The following PPP1R12B variants were observed in gnomAD, a reference collection of about 807,000 sequenced individuals.
PPP1R12B encodes myosin phosphatase target subunit 2.
Under a neutral mutation model 126.1 loss-of-function variants are expected in PPP1R12B, and 76 were observed. That is an observed-to-expected ratio of 0.60 (90% CI 0.50 to 0.73). PPP1R12B has a LOEUF of 0.73. Ranked by LOEUF, PPP1R12B falls within the 30% of genes least tolerant of loss-of-function variation. The pLI is 0.00. For missense variants in PPP1R12B, 1,052 were observed against 1,205.1 expected (o/e 0.87, Z 1.88); for synonymous variants, 356 against 434.7 (o/e 0.82, Z 2.25).
intron 12 of PPP1R12B, 60 bp downstream of exon 12, chr1:202,442,632 ATGATTGTATGCCT>A: frequency 4.0e-6 from 6 of 1,492,198 alleles, no homozygotes; most frequent in Non-Finnish European, 5.4e-6. Context: ...GAAATGGGTA[ATGATTGTATGCCT>A]TTTTATGTCC....
At chr1:202,378,727 C>T (rs1284368870) in intron 1 of PPP1R12B, among the ~76,000 whole-genome samples, 1 of 152,186 alleles carries the variant, frequency 6.6e-6, no homozygotes, top group Non-Finnish European at 1.5e-5. Context: ...ATCCGCCCAC[C>T]TCGGCTTCCC....
intron 8 of PPP1R12B, among the ~76,000 whole-genome samples, chr1:202,433,373 G>C (rs1043837091): frequency 1.3e-5 from 2 of 151,940 alleles, no homozygotes; most frequent in Non-Finnish European, 2.9e-5. Context: ...TCTGTAGCCA[G>C]GTCTTCACAT....
chr1:202,505,729 T>C (rs755391636), intron 18 of PPP1R12B, among the ~76,000 whole-genome samples: 1 of 152,166 alleles, frequency 6.6e-6, no homozygotes, highest in Non-Finnish European at 1.5e-5. Flanking sequence ...AGTAAAGTAA[T>C]ATTTTTTTTT....
intron 9 of PPP1R12B, among the ~76,000 whole-genome samples, chr1:202,437,619 T>G (rs1027211615): frequency 1.3e-5 from 2 of 152,152 alleles, no homozygotes; most frequent in Admixed American, 1.3e-4. Context: ...TATTTTTGGC[T>G]TAGGAAGAAA....
chr1:202,427,947 G>A (rs892449337), intron 5 of PPP1R12B, among the ~76,000 whole-genome samples: 7 of 151,366 alleles, frequency 4.6e-5, no homozygotes, highest in African/African-American at 1.7e-4. Context: ...ACCATGCCCA[G>A]CTGATTTTAT....
chr1:202,558,262 T>C (rs972971731), intron 18 of PPP1R12B, among the ~76,000 whole-genome samples: 2 of 152,002 alleles, frequency 1.3e-5, no homozygotes, highest in African/African-American at 2.4e-5. Context: ...GTTGTATCTA[T>C]AAAACTCCTT....
At chr1:202,561,307 A>G (rs1374638604) in intron 19 of PPP1R12B, among the ~76,000 whole-genome samples, 1 of 152,146 alleles carries the variant, frequency 6.6e-6, no homozygotes, top group East Asian at 1.9e-4. Context: ...AATAGCTAAA[A>G]AATTTGAAAA....
rs760287412 is a variant in PPP1R12B at position 202,437,901 on chromosome 1, T to G, written c.1335T>G (p.Thr445=). 2.3e-5 allele frequency: 37 copies of G among 1,613,902 alleles called. No homozygotes were observed. The highest frequency in any genetic ancestry group is 3.1e-5 in the Non-Finnish European group (36 of 1,179,918). Residue 445 remains threonine (T), a synonymous_variant, in exon 10 of 24, where the codon ACT becomes ACG. Coordinates refer to ENST00000608999, the MANE Select transcript of PPP1R12B (RefSeq NM_002481.4). ...PSSWRLGLRK[T]GSHNMLSEVA... is the part of the protein sequence containing the mutation. ...CATGGAGATTGGGACTGAGAAAAAC[T>G]GGCAGCCACAACATGCTGAGTGAGG...
At chr1:202,353,045 T>G (rs1376796749) in intron 1 of PPP1R12B, among the ~76,000 whole-genome samples, 2 of 152,170 alleles carry the variant, frequency 1.3e-5, no homozygotes, top group Non-Finnish European at 2.9e-5. Flanking sequence ...TTAGGGAGGC[T>G]AAAATCACGT....
At chr1:202,350,800 T>C (rs1050225634) in intron 1 of PPP1R12B, among the ~76,000 whole-genome samples, 1 of 151,990 alleles carries the variant, frequency 6.6e-6, no homozygotes, top group African/African-American at 2.4e-5. Context: ...TTTGTATTTT[T>C]AGTAGAGATG....
At chr1:202,467,466 C>T (rs1307136242) in intron 13 of PPP1R12B, among the ~76,000 whole-genome samples, 1 of 151,514 alleles carries the variant, frequency 6.6e-6, no homozygotes, top group African/African-American at 2.4e-5. Flanking sequence ...TGAGTGAGAA[C>T]ATGCGGTGTT....
At chr1:202,362,131 T>A (rs935198208) in intron 1 of PPP1R12B, among the ~76,000 whole-genome samples, 1 of 152,142 alleles carries the variant, frequency 6.6e-6, no homozygotes, top group Admixed American at 6.6e-5. Flanking sequence ...TAGTGATTTT[T>A]ATTTTTTTTA....
At chr1:202,370,757 C>T (rs1012913315) in intron 1 of PPP1R12B, among the ~76,000 whole-genome samples, 1 of 152,052 alleles carries the variant, frequency 6.6e-6, no homozygotes, top group Non-Finnish European at 1.5e-5. Context: ...AGGCTGGTCT[C>T]GAACTACTGA....
intron 13 of PPP1R12B, among the ~76,000 whole-genome samples, chr1:202,479,946 A>G (rs1408967153): frequency 6.6e-6 from 1 of 152,242 alleles, no homozygotes; most frequent in Non-Finnish European, 1.5e-5. Flanking sequence ...GAAGGGTAGC[A>G]ACAACAATCA....
At chr1:202,507,216 G>T (rs1399239077) in intron 18 of PPP1R12B, among the ~76,000 whole-genome samples, 1 of 152,148 alleles carries the variant, frequency 6.6e-6, no homozygotes, top group African/African-American at 2.4e-5. Context: ...CATGCTACAC[G>T]TTCTGTAGAT....
intron 21 of PPP1R12B, among the ~76,000 whole-genome samples, chr1:202,566,853 A>G (rs554378795): frequency 6.6e-6 from 1 of 152,180 alleles, no homozygotes; most frequent in Admixed American, 6.5e-5. Flanking sequence ...CATAATTTCT[A>G]TATTTATTTA....
At chr1:202,573,985 T>C (rs1312374817) in intron 23 of PPP1R12B, among the ~76,000 whole-genome samples, 4 of 152,174 alleles carry the variant, frequency 2.6e-5, no homozygotes, top group African/African-American at 7.2e-5. Context: ...TATAATCTTA[T>C]AGCAGGTCAG....
At position 202,396,660 on chromosome 1, in the gene PPP1R12B, G is replaced by A. The variant is rs1264513377; in HGVS notation, c.292-20127G>A. Among the ~76,000 whole-genome samples, 3 of 152,166 alleles carry A rather than the reference G, an allele frequency of 2.0e-5. No individual in the cohort carries two copies. The South Asian group carries it at 6.2e-4, about 32-fold the overall frequency. On this transcript the variant is annotated intron_variant, in intron 1 of 23. Coordinates refer to ENST00000608999, the MANE Select transcript of PPP1R12B (RefSeq NM_002481.4). ...CCCTCTTTGTCACTCAGACTGAAGT[G>A]CAGTGTCGCACTGCAAGGCTTGGCT...
intron 23 of PPP1R12B, among the ~76,000 whole-genome samples, chr1:202,569,398 C>T (rs1206767701): frequency 1.3e-5 from 2 of 152,156 alleles, no homozygotes; most frequent in Non-Finnish European, 2.9e-5. Context: ...TTGAGGACAC[C>T]TTAAAGGCAT....
Sources: allele counts gnomAD v4.1 joint callset (sites outside exome capture counted in the v4.1 genomes callset), GRCh38; gene constraint gnomAD v4.1.1; transcripts MANE v1.5; gene names NCBI Gene and HGNC (gene_info 2026-07-23, HGNC 2026-07-21).